The following FAAH2 variants were observed in gnomAD, a reference collection of about 807,000 sequenced individuals.
The protein encoded by FAAH2 is fatty acid amide hydrolase 2.
FAAH2 carries 60 observed loss-of-function variants against 36.9 expected under a neutral mutation model. The ratio of observed to expected loss-of-function variants is 1.63; its 90% CI spans 1.32 to 2.02. The LOEUF (loss-of-function observed/expected upper bound fraction) is 2.02. Ranked by LOEUF, FAAH2 falls within the 30% of genes most tolerant of loss-of-function variation. The pLI, the probability that FAAH2 is intolerant of heterozygous loss-of-function variation, is 0.00. For missense variants in FAAH2, 689 were observed against 397.5 expected (o/e 1.73, Z -6.23); for synonymous variants, 214 against 143.8 (o/e 1.49, Z -3.49).
At chrX:57,257,700 G>T in the FAAH2 span, among the ~76,000 whole-genome samples, 58 of 110,486 alleles carry the variant, frequency 5.2e-4, no homozygotes, top group Non-Finnish European at 9.7e-4. Flanking sequence ...ATTAAAAAAA[G>T]AAAATAAAAT....
the FAAH2 span, among the ~76,000 whole-genome samples, chrX:57,239,869 T>G: frequency 8.9e-6 from 1 of 112,305 alleles, no homozygotes; most frequent in African/African-American, 3.2e-5. Context: ...AGTGAGTATT[T>G]CAGCTCTTAT....
At chrX:57,232,919 C>T in the FAAH2 span, among the ~76,000 whole-genome samples, 1 of 112,409 alleles carries the variant, frequency 8.9e-6, no homozygotes, top group Non-Finnish European at 1.9e-5. Context: ...AATGAAGGAA[C>T]TACTTAACTG....
the FAAH2 span, among the ~76,000 whole-genome samples, chrX:57,147,837 T>G: frequency 3.0e-4 from 34 of 112,017 alleles, no homozygotes; most frequent in Non-Finnish European, 2.3e-4. Context: ...CAGGAGCAGG[T>G]TATTTGATTT....
At chrX:57,239,653 G>A in the FAAH2 span, among the ~76,000 whole-genome samples, 2 of 111,075 alleles carry the variant, frequency 1.8e-5, no homozygotes, top group Admixed American at 9.6e-5. Flanking sequence ...TTTTGTCTCT[G>A]TGTCTCTTTC....
intron 4 of FAAH2, among the ~76,000 whole-genome samples, chrX:57,339,180 A>G (rs967856682): frequency 7.1e-5 from 8 of 112,230 alleles, no homozygotes; most frequent in African/African-American, 2.6e-4. Context: ...TCTCTATTTA[A>G]TAATTCGTGC....
the FAAH2 span, among the ~76,000 whole-genome samples, chrX:57,185,865 T>C: frequency 9.0e-6 from 1 of 110,983 alleles, no homozygotes; most frequent in African/African-American, 3.3e-5. Context: ...GCTTCATCCA[T>C]ATCCCTGCAA....
chrX:57,353,261 G>A (rs1412212008), intron 5 of FAAH2, among the ~76,000 whole-genome samples: 2 of 109,352 alleles, frequency 1.8e-5, no homozygotes, highest in Non-Finnish European at 3.8e-5. Flanking sequence ...ATAGGTCAAT[G>A]GTACAGAATA....
intron 7 of FAAH2, among the ~76,000 whole-genome samples, chrX:57,410,497 G>C (rs185028045): frequency 1.9e-3 from 218 of 111,833 alleles, no homozygotes; most frequent in Non-Finnish European, 2.1e-3. Context: ...ACTCTCTTCA[G>C]ATCTATTATA....
intron 10 of FAAH2, among the ~76,000 whole-genome samples, chrX:57,482,424 C>A (rs2057396401): frequency 9.0e-6 from 1 of 111,632 alleles, no homozygotes; most frequent in Admixed American, 9.6e-5. Context: ...ATTGTGAAAA[C>A]CATGGGAAAA....
chrX:57,375,429 C>T (rs1286130293), intron 5 of FAAH2, among the ~76,000 whole-genome samples: 2 of 68,820 alleles, frequency 2.9e-5, no homozygotes, highest in African/African-American at 1.2e-4. Context: ...TTTAGAATTT[C>T]TAATTCTTCC....
chrX:57,435,298 A>G (rs761781517), intron 8 of FAAH2, among the ~76,000 whole-genome samples: 142 of 111,781 alleles, frequency 1.3e-3, no homozygotes, highest in African/African-American at 4.5e-3. Context: ...ACAATGTATA[A>G]AACAACTGAA....
intron 7 of FAAH2, among the ~76,000 whole-genome samples, chrX:57,418,512 G>T (rs977549499): frequency 2.7e-5 from 3 of 110,725 alleles, no homozygotes; most frequent in Non-Finnish European, 5.7e-5. Context: ...TGCATCCCAG[G>T]TGAGGTGACA....
the FAAH2 span, among the ~76,000 whole-genome samples, chrX:57,247,357 T>A: frequency 1.8e-5 from 2 of 112,088 alleles, no homozygotes; most frequent in East Asian, 5.6e-4. Flanking sequence ...CAAGAGATAC[T>A]GTCCTGCAAG....
chrX:57,142,539 G>T, the FAAH2 span, among the ~76,000 whole-genome samples: 1 of 111,991 alleles, frequency 8.9e-6, no homozygotes, highest in African/African-American at 3.2e-5. Context: ...GTCTGTCTTG[G>T]AGAATGTTCC....
chrX:57,438,091 A>C (rs2147135768), intron 8 of FAAH2, among the ~76,000 whole-genome samples: 1 of 104,944 alleles, frequency 9.5e-6, no homozygotes, highest in South Asian at 3.9e-4. Context: ...ACGTGTATAT[A>C]TGTATTGTCC....
At chrX:57,249,969 C>T in the FAAH2 span, among the ~76,000 whole-genome samples, 1 of 111,613 alleles carries the variant, frequency 9.0e-6, no homozygotes, top group African/African-American at 3.3e-5. Flanking sequence ...TTTTATACTT[C>T]TGAAATGGCT....
chrX:57,262,493 C>T, the FAAH2 span, among the ~76,000 whole-genome samples: 7 of 111,091 alleles, frequency 6.3e-5, no homozygotes, highest in African/African-American at 2.3e-4. Context: ...AATTGTTCCC[C>T]AAGGAAATCT....
chrX:57,185,488 C>CTCTG, the FAAH2 span, among the ~76,000 whole-genome samples: 3 of 93,996 alleles, frequency 3.2e-5, no homozygotes, highest in African/African-American at 1.3e-4. Context: ...CTCTCTGTCT[C>CTCTG]TGTGTGTGTG....
At chrX:57,216,591 T>TAC in the FAAH2 span, among the ~76,000 whole-genome samples, 1 of 39,809 alleles carries the variant, frequency 2.5e-5, no homozygotes, top group African/African-American at 1.1e-4. Flanking sequence ...TGTATATGTA[T>TAC]ATATATGTAT....
Sources: allele counts gnomAD v4.1 joint callset (sites outside exome capture counted in the v4.1 genomes callset), GRCh38; gene constraint gnomAD v4.1.1; transcripts MANE v1.5; gene names NCBI Gene and HGNC (gene_info 2026-07-23, HGNC 2026-07-21).